The following CCDC12 variants were observed in gnomAD, a reference collection of about 807,000 sequenced individuals.
CCDC12 encodes coiled-coil domain containing 12, also known as coiled-coil domain-containing protein 12.
In CCDC12, 28 loss-of-function variants were observed where a neutral mutation model predicts 25.7. That is an observed-to-expected ratio of 1.09 (90% CI 0.81 to 1.50). The LOEUF (loss-of-function observed/expected upper bound fraction) is 1.50, where lower values mean the gene tolerates loss of function less well. CCDC12 is among the 40% of genes most tolerant of loss of function. The pLI is 0.00. For synonymous variants in CCDC12, 75 were observed against 87.7 expected (o/e 0.86, Z 0.81); for missense variants, 198 against 210.0 (o/e 0.94, Z 0.35).
chr3:46,929,251 C>G (rs1414777584), intron 2 of CCDC12, among the ~76,000 whole-genome samples: 1 of 151,962 alleles, frequency 6.6e-6, no homozygotes, highest in African/African-American at 2.4e-5. Context: ...ATACAATTAA[C>G]AAGTTAACAG....
chr3:46,938,627 G>A (rs2033561401), intron 2 of CCDC12, among the ~76,000 whole-genome samples: 1 of 150,718 alleles, frequency 6.6e-6, no homozygotes, highest in African/African-American at 2.5e-5. Context: ...GAAGTGGGTG[G>A]ACTGCCTGAG....
chr3:46,922,005 A>C lies in CCDC12; in HGVS notation c.*52T>G. On this transcript the variant is annotated 3_prime_UTR_variant, in exon 7 of 7. Transcript: ENST00000683445. The stretch of plus-strand genomic sequence containing the variant: ...AGCCTAGCCCCCATCCCTGCCCAAG[A>C]CCATCCTCTGCAGGACAGGCCTGAT... The C allele has an allele frequency of 6.3e-7, 1 of 1,597,734 alleles. No homozygotes were observed. The highest frequency in any genetic ancestry group is 8.6e-7 in the Non-Finnish European group (1 of 1,167,180).
At chr3:46,974,875 G>A (rs548914686) in intron 1 of CCDC12, among the ~76,000 whole-genome samples, 48 of 152,262 alleles carry the variant, frequency 3.2e-4, no homozygotes, top group African/African-American at 1.1e-3. Context: ...TATCCCATTA[G>A]ATCTCACAAT....
At chr3:46,954,505 C>T (rs1295286242) in intron 1 of CCDC12, among the ~76,000 whole-genome samples, 9 of 152,218 alleles carry the variant, frequency 5.9e-5, no homozygotes, top group Non-Finnish European at 1.3e-4. Flanking sequence ...TAGCTGCCAA[C>T]GGCCCTCACT....
At chr3:46,926,450 C>T (rs1004963153) in intron 2 of CCDC12, among the ~76,000 whole-genome samples, 4 of 152,176 alleles carry the variant, frequency 2.6e-5, no homozygotes, top group African/African-American at 4.8e-5. Context: ...CAGAATCTCC[C>T]GGCAGGAGCT....
intron 1 of CCDC12, among the ~76,000 whole-genome samples, chr3:46,966,755 C>T (rs1370254391): frequency 6.6e-6 from 1 of 152,124 alleles, no homozygotes; most frequent in Non-Finnish European, 1.5e-5. Context: ...GCTTAATTTA[C>T]AGGAAGGCTT....
At chr3:46,942,155 G>C (rs1007429693) in intron 1 of CCDC12, among the ~76,000 whole-genome samples, 10 of 152,220 alleles carry the variant, frequency 6.6e-5, no homozygotes, top group African/African-American at 2.4e-4. Flanking sequence ...TGTCTTCCTG[G>C]ACTTTATCCT....
At chr3:46,962,434 CAAA>C (rs33969115) in intron 1 of CCDC12, among the ~76,000 whole-genome samples, 15 of 63,182 alleles carry the variant, frequency 2.4e-4, no homozygotes, top group South Asian at 6.6e-4. Flanking sequence ...AACTCTATCT[CAAA>C]AAAAAAAAAA....
chr3:46,944,350 C>T (rs1191798942), intron 1 of CCDC12, among the ~76,000 whole-genome samples: 3 of 152,142 alleles, frequency 2.0e-5, no homozygotes, highest in East Asian at 1.9e-4. Context: ...TGATTCTACC[C>T]GCCTCTCCTG....
upstream of CCDC12, chr3:46,979,832 C>T: frequency 2.4e-6 from 1 of 418,314 alleles, no homozygotes; most frequent in Non-Finnish European, 4.2e-6. Context: ...CGACAGGTGG[C>T]GCGCAGCAGG....
chr3:46,940,015 C>T (rs1036913515), intron 2 of CCDC12, among the ~76,000 whole-genome samples: 2 of 152,142 alleles, frequency 1.3e-5, no homozygotes, highest in Admixed American at 1.3e-4. Flanking sequence ...CTGCTCAGAG[C>T]AAAGGAAATC....
upstream of CCDC12, chr3:46,976,969 A>AT: frequency 2.4e-6 from 1 of 418,794 alleles, no homozygotes; most frequent in Non-Finnish European, 4.2e-6. Flanking sequence ...AAAAAAAAAA[A>AT]GAAAAAAAAA....
chr3:46,929,591 G>C (rs2033118481), intron 2 of CCDC12, among the ~76,000 whole-genome samples: 2 of 152,344 alleles, frequency 1.3e-5, no homozygotes, highest in South Asian at 4.1e-4. Context: ...GACAACTGGA[G>C]CCAAACAATG....
In CCDC12 at chr3:46,975,678, C is replaced by T. The variant is rs181892207; in HGVS notation, c.96+959G>A. 2.1e-3 allele frequency among the ~76,000 whole-genome samples: 321 copies of T among 151,736 alleles called. 3 individuals carry two copies. The highest frequency in any genetic ancestry group is 7.4e-3 in the African/African-American group (308 of 41,426). ...CCCAAGTAGCTGGGACCACAGGCAC[C>T]CGCCACCACGCCCGGCTAATTTTTT... On this transcript the variant is annotated intron_variant, in intron 1 of 6. Coordinates refer to ENST00000683445, the MANE Select transcript of CCDC12 (RefSeq NM_001277074.2).
At chr3:46,977,894 C>T (rs936078155), upstream of CCDC12, among the ~76,000 whole-genome samples, 7 of 152,240 alleles carry the variant, frequency 4.6e-5, no homozygotes, top group African/African-American at 1.4e-4. Flanking sequence ...GTCTTCTTTC[C>T]TGCATGAACT....
intron 2 of CCDC12, among the ~76,000 whole-genome samples, chr3:46,936,951 G>A (rs1373684742): frequency 2.0e-5 from 3 of 152,192 alleles, no homozygotes; most frequent in African/African-American, 7.2e-5. Flanking sequence ...GACTCAGGGA[G>A]GAATCCTGGT....
intron 1 of CCDC12, 96 bp from the exon 2 acceptor site, chr3:46,941,161 G>T: frequency 8.4e-7 from 1 of 1,194,604 alleles, no homozygotes; most frequent in Non-Finnish European, 1.2e-6. Flanking sequence ...TCTCAGAAGG[G>T]GGGCACCTGG....
intron 2 of CCDC12, among the ~76,000 whole-genome samples, chr3:46,940,230 T>A (rs2033645565): frequency 6.6e-6 from 1 of 152,108 alleles, no homozygotes; most frequent in South Asian, 2.1e-4. Context: ...AGGCTCCAGA[T>A]TTTTGGGAGG....
intron 1 of CCDC12, among the ~76,000 whole-genome samples, chr3:46,941,827 A>G (rs1161956633): frequency 2.0e-5 from 3 of 152,176 alleles, no homozygotes; most frequent in Admixed American, 2.0e-4. Flanking sequence ...CTCCTGAGAC[A>G]CCTTTCAGGC....
Sources: gnomAD v4.1 joint callset for allele counts (sites outside exome capture counted in the v4.1 genomes callset) on GRCh38, gnomAD v4.1.1 for gene constraint, MANE v1.5 for transcripts, NCBI Gene and HGNC (gene_info 2026-07-23, HGNC 2026-07-21) for gene names.